Variants in SYT16 observed in about 807,000 individuals in gnomAD.
SYT16 encodes the protein synaptotagmin 16, also known as synaptotagmin-16.
Under a neutral mutation model 61.4 loss-of-function variants are expected in SYT16, and 42 were observed. The ratio of observed to expected loss-of-function variants is 0.68; its 90% confidence interval spans 0.53 to 0.89. The LOEUF (loss-of-function observed/expected upper bound fraction) is 0.89, where lower values mean the gene tolerates loss of function less well. Among genes scored for constraint, SYT16 ranks in the 40% least tolerant of loss-of-function variants. The probability of loss-of-function intolerance (pLI) is 0.00; values close to 1 mark genes in which losing one functional copy is unlikely to be tolerated. For synonymous variants in SYT16, 314 were observed against 302.3 expected (o/e 1.04, Z -0.40); for missense variants, 804 against 807.3 (o/e 1.00, Z 0.05).
chr14:62,070,155 G>A (rs187775828), intron 4 of SYT16, among the ~76,000 whole-genome samples: 92 of 152,206 alleles, frequency 6.0e-4, no homozygotes, highest in Non-Finnish European at 1.2e-3. Flanking sequence ...AAAATGTCAC[G>A]TACTTGTCCA....
At chr14:61,978,143 C>A (rs935105317) in intron 2 of SYT16, among the ~76,000 whole-genome samples, 1 of 152,274 alleles carries the variant, frequency 6.6e-6, no homozygotes, top group Admixed American at 6.5e-5. Flanking sequence ...AATGAAAGAC[C>A]CTTTTTTCAA....
intron 3 of SYT16, among the ~76,000 whole-genome samples, chr14:62,020,323 T>C (rs2053861710): frequency 6.6e-6 from 1 of 152,190 alleles, no homozygotes; most frequent in South Asian, 2.1e-4. Context: ...TGTGTGTGTA[T>C]ATATCTTGTA....
At position 62,081,249 on chromosome 14, in the gene SYT16, T is replaced by C. The variant is rs961601037; in HGVS notation, c.1409T>C (p.Val470Ala). ...GAAGGGGAAATGAAAGTGACTCTGG[T>C]TCTGGAGCCAAGAAGTAATATAAGC... ...HPEGEMKVTLVLEPRSNISSG... is the reference protein window; with the variant it reads ...HPEGEMKVTLALEPRSNISSG... The change falls in exon 6 of 8, where the codon GTT becomes GCT. Residue 470 changes from valine (V) to alanine (A), a missense_variant. Coordinates refer to ENST00000683842, the MANE Select transcript of SYT16 (RefSeq NM_001367656.1). The C allele has an allele frequency of 1.2e-6, 2 of 1,613,838 alleles. No homozygotes were observed. The highest frequency in any genetic ancestry group is 1.7e-5 in the Admixed American group (1 of 60,022).
intron 1 of SYT16, among the ~76,000 whole-genome samples, chr14:61,816,863 T>C (rs889799568): frequency 6.6e-5 from 10 of 151,284 alleles, no homozygotes; most frequent in Non-Finnish European, 8.8e-5. Context: ...TACAAAAAAT[T>C]AGCCGGGCGT....
intron 1 of SYT16, among the ~76,000 whole-genome samples, chr14:61,902,281 A>G (rs763903170): frequency 1.3e-5 from 2 of 152,184 alleles, no homozygotes; most frequent in Non-Finnish European, 2.9e-5. Context: ...TCAAAAGGCC[A>G]TATCTTTTCA....
At chr14:62,019,832 G>A (rs1245790126) in intron 3 of SYT16, among the ~76,000 whole-genome samples, 1 of 152,218 alleles carries the variant, frequency 6.6e-6, no homozygotes, top group Non-Finnish European at 1.5e-5. Flanking sequence ...CTCCTGTGAA[G>A]ATGAGCTGCC....
chr14:62,040,490 G>T (rs1223910094), intron 3 of SYT16, among the ~76,000 whole-genome samples: 1 of 152,102 alleles, frequency 6.6e-6, no homozygotes, highest in African/African-American at 2.4e-5. Flanking sequence ...TCTTTTGCTT[G>T]CAGGACTGAC....
chr14:61,814,328 A>G (rs1469393678), intron 1 of SYT16, among the ~76,000 whole-genome samples: 1 of 152,170 alleles, frequency 6.6e-6, no homozygotes, highest in East Asian at 1.9e-4. Context: ...TTAACAAAGT[A>G]AGACTCAACA....
At chr14:61,864,790 C>T in intron 1 of SYT16, 1 of 943,472 alleles carries the variant, frequency 1.1e-6, no homozygotes, top group South Asian at 1.5e-5. Flanking sequence ...CTAGTGTCTG[C>T]CAGCGCCTGG....
chr14:61,931,005 T>A (rs1302311316), intron 1 of SYT16, among the ~76,000 whole-genome samples: 1 of 152,212 alleles, frequency 6.6e-6, no homozygotes, highest in African/African-American at 2.4e-5. Context: ...AGATAATAAA[T>A]GTGTACTCTT....
intron 4 of SYT16, 143 bp from the exon 5 acceptor site, chr14:62,074,992 A>G (rs2056430338): frequency 1.1e-6 from 1 of 875,098 alleles, no homozygotes; most frequent in Non-Finnish European, 1.7e-6. Flanking sequence ...CACTGTATGG[A>G]TAGAATTATG....
chr14:61,832,315 C>T, intron 1 of SYT16: 1 of 588,754 alleles, frequency 1.7e-6, no homozygotes, highest in Non-Finnish European at 3.4e-6. Flanking sequence ...CGTACAGACA[C>T]CAAGGTGGAA....
At chr14:62,003,950 G>A (rs1959328) in intron 3 of SYT16, among the ~76,000 whole-genome samples, 86,195 of 151,940 alleles carry the variant, frequency 0.57, 25,560 homozygotes, top group East Asian at 0.75. Flanking sequence ...AGGAAATGTC[G>A]TGAATGCTGA....
chr14:62,014,798 C>A (rs2053603074), intron 3 of SYT16, among the ~76,000 whole-genome samples: 1 of 152,114 alleles, frequency 6.6e-6, no homozygotes, highest in Non-Finnish European at 1.5e-5. Context: ...TCCGAATGTT[C>A]ATTTTAAAGT....
At chr14:61,988,152 C>A (rs777755861) in intron 2 of SYT16, among the ~76,000 whole-genome samples, 1 of 152,028 alleles carries the variant, frequency 6.6e-6, no homozygotes, top group Non-Finnish European at 1.5e-5. Context: ...GCACAGATGC[C>A]CTTTTGGAAA....
At chr14:62,074,085 G>A (rs575617347) in intron 4 of SYT16, among the ~76,000 whole-genome samples, 1 of 152,308 alleles carries the variant, frequency 6.6e-6, no homozygotes, top group African/African-American at 2.4e-5. Context: ...GGAGAAAAGA[G>A]GCCAAAGAGA....
chr14:61,961,812 C>T (rs1246946067), intron 1 of SYT16, among the ~76,000 whole-genome samples: 1 of 152,150 alleles, frequency 6.6e-6, no homozygotes, highest in Non-Finnish European at 1.5e-5. Context: ...AAGATACGTG[C>T]ATGCATATGT....
At chr14:61,958,646 G>T (rs1439651800) in intron 1 of SYT16, among the ~76,000 whole-genome samples, 1 of 151,932 alleles carries the variant, frequency 6.6e-6, no homozygotes, top group African/African-American at 2.4e-5. Context: ...TCTTAAGTTT[G>T]TTAAGAATTG....
At chr14:62,060,313 G>A (rs1181364298) in intron 3 of SYT16, among the ~76,000 whole-genome samples, 1 of 151,932 alleles carries the variant, frequency 6.6e-6, no homozygotes, top group Non-Finnish European at 1.5e-5. Flanking sequence ...AGTGCATTTT[G>A]ATGCTCTTTC....
Sources: allele counts gnomAD v4.1 joint callset (sites outside exome capture counted in the v4.1 genomes callset), GRCh38; gene constraint gnomAD v4.1.1; transcripts MANE v1.5; gene names NCBI Gene and HGNC (gene_info 2026-07-23, HGNC 2026-07-21).